Variants in SQLE observed in about 807,000 individuals in gnomAD.
The protein encoded by SQLE is squalene monooxygenase.
SQLE carries 29 observed loss-of-function variants against 60.7 expected under a neutral mutation model. That is an observed-to-expected ratio of 0.48 (90% CI 0.36 to 0.65). The LOEUF (loss-of-function observed/expected upper bound fraction) is 0.65. Among genes scored for constraint, SQLE ranks in the 30% least tolerant of loss-of-function variants. SQLE has a pLI of 0.00. For synonymous variants in SQLE, 237 were observed against 246.8 expected (o/e 0.96, Z 0.37); for missense variants, 605 against 684.1 (o/e 0.88, Z 1.29).
At chr8:125,014,442 TCTA>T (rs766701079) in intron 7 of SQLE, among the ~76,000 whole-genome samples, 14 of 152,326 alleles carry the variant, frequency 9.2e-5, no homozygotes, top group East Asian at 5.8e-4. Flanking sequence ...TTTATTATTT[TCTA>T]CTAATTTGGG....
rs77645689 is a variant in SQLE, at chr8:125,015,569, A to G, written c.1205-2490A>G. 4.0e-3 allele frequency among the ~76,000 whole-genome samples: 606 copies of G among 152,282 alleles called. 6 individuals are homozygous for G. Among genetic ancestry groups the G allele is most frequent in the African/African-American group, 0.014 (581 of 41,542 alleles). On this transcript the variant is annotated intron_variant, in intron 7 of 10. Transcript: ENST00000265896. ...TGTAGGCTTTTGATTTGAAATTACC[A>G]GGAAGCTTGCAGGTCATATCTTATA...
At chr8:125,014,566 A>G (rs542030779) in intron 7 of SQLE, among the ~76,000 whole-genome samples, 68 of 152,026 alleles carry the variant, frequency 4.5e-4, no homozygotes, top group African/African-American at 1.6e-3. Flanking sequence ...CCCTTTAAGT[A>G]TTGCTTTTGC....
chr8:125,000,087 G>T lies in SQLE; in HGVS notation c.291+393G>T, dbSNP rs1043451824. ...CGTGCTGCGGGTAAGTCCACTGCTTGTAAGAAGTGACAGCTGACTGGGGAA... is the reference window on the plus strand; with the variant it reads ...CGTGCTGCGGGTAAGTCCACTGCTTTTAAGAAGTGACAGCTGACTGGGGAA... On this transcript the variant is annotated intron_variant, in intron 1 of 10. Transcript: ENST00000265896. 9.7e-5 allele frequency: 45 copies of T among 462,020 alleles called. No individual in the cohort carries two copies. In the Admixed American group the frequency reaches 9.8e-4, roughly 10 times the overall value. 28.6% of individuals were successfully genotyped at this position (462,020 alleles called of 1,614,324 possible).
intron 6 of SQLE, among the ~76,000 whole-genome samples, chr8:125,009,652 G>A (rs974102733): frequency 6.6e-6 from 1 of 152,032 alleles, no homozygotes; most frequent in Non-Finnish European, 1.5e-5. Context: ...AAAATTAGCC[G>A]AGTGTGGTGG....
Position 124,999,256 on chromosome 8 carries a change from G to C in SQLE, c.-148G>C, listed in dbSNP as rs1814800374. The C allele has an allele frequency of 1.5e-6, 1 of 685,008 alleles. No homozygotes were observed. The highest frequency in any genetic ancestry group is 5.2e-5 in the South Asian group (1 of 19,050). 42.4% of individuals were successfully genotyped at this position (685,008 alleles called of 1,614,324 possible). A position where few individuals can be genotyped will look rare whatever the true frequency, so the allele number is the denominator to read the frequency against. ...TTATATGATTTTTAAAAACTGGTCT[G>C]ATCGGACTTCTCGTCCTGGGACACT... On this transcript the variant is annotated 5_prime_UTR_variant, in exon 1 of 11. Transcript: ENST00000265896.
chr8:125,005,832 A>G (rs952922125), intron 3 of SQLE, 127 bp downstream of exon 3: 3 of 634,156 alleles, frequency 4.7e-6, no homozygotes, highest in Non-Finnish European at 7.0e-6. Flanking sequence ...ATGTATATTA[A>G]AATAAACTGT....
intron 1 of SQLE, among the ~76,000 whole-genome samples, chr8:125,000,868 T>TG (rs1358097434): frequency 6.6e-6 from 1 of 152,200 alleles, no homozygotes; most frequent in Non-Finnish European, 1.5e-5. Context: ...AACGCCCACT[T>TG]GCTTTTTAAA....
At position 124,998,632 on chromosome 8, in the gene SQLE, C is replaced by T. The variant is rs761336761; in HGVS notation, c.-772C>T. The stretch of plus-strand genomic sequence containing the variant: ...TGAGGAAGCCGTCGGGAGCCGCCGC[C>T]GCCATCTGAGGGAGGTACCCTGGAA... On this transcript the variant is annotated 5_prime_UTR_variant, in exon 1 of 11. Transcript: ENST00000265896. 1.5e-6 allele frequency: 1 copy of T among 680,796 alleles called. No homozygotes were observed. The highest frequency in any genetic ancestry group is 1.5e-5 in the South Asian group (1 of 65,478). The allele number at this position is 680,796 out of a possible 1,614,324, so 42.2% of individuals were successfully genotyped here.
chr8:125,007,892 A>G (rs765834129), intron 4 of SQLE, among the ~76,000 whole-genome samples: 42 of 152,208 alleles, frequency 2.8e-4, no homozygotes, highest in Non-Finnish European at 5.4e-4. Context: ...CTATGCAAAA[A>G]ACATTTTAAA....
chr8:125,013,597 C>T (rs1173171721), intron 7 of SQLE, among the ~76,000 whole-genome samples: 2 of 152,162 alleles, frequency 1.3e-5, no homozygotes, highest in Admixed American at 6.5e-5. Context: ...AGGTGATCCA[C>T]CCACCTCAGC....
At chr8:125,014,323 T>C (rs1343640761) in intron 7 of SQLE, among the ~76,000 whole-genome samples, 1 of 152,320 alleles carries the variant, frequency 6.6e-6, no homozygotes, top group African/African-American at 2.4e-5. Flanking sequence ...TTTTCTTTCT[T>C]TTTTCTTAGT....
intron 9 of SQLE, 120 bp downstream of exon 9, chr8:125,018,847 A>G (rs1339415767): frequency 1.5e-6 from 1 of 680,638 alleles, no homozygotes; most frequent in Non-Finnish European, 2.4e-6. Context: ...GCTAACTCCC[A>G]AGTTGGTAGT....
In SQLE at chr8:125,002,836, T is replaced by G. The variant is rs80332829; in HGVS notation, c.292-340T>G. Reference sequence around the variant, plus strand: ...TAGTTATTAATGATACAGTTTGCCCTATAATAAGTCTTTGAAGCCCCTTAT... The same window carrying G: ...TAGTTATTAATGATACAGTTTGCCCGATAATAAGTCTTTGAAGCCCCTTAT... On this transcript the variant is annotated intron_variant, in intron 1 of 10. Coordinates refer to ENST00000265896, the MANE Select transcript of SQLE (RefSeq NM_003129.4). Among the ~76,000 whole-genome samples, 615 of 152,348 alleles carry G rather than the reference T, an allele frequency of 4.0e-3. 3 individuals are homozygous for G. Among genetic ancestry groups the G allele is most frequent in the African/African-American group, 0.014 (592 of 41,578 alleles).
chr8:125,003,158 C>A lies in SQLE; in HGVS notation c.292-18C>A. On this transcript the variant is annotated intron_variant, in intron 1 of 10. Coordinates refer to ENST00000265896, the MANE Select transcript of SQLE (RefSeq NM_003129.4). Reference sequence around the variant, plus strand: ...TAACAAATTTGGATACCTAGTTTACCTTTTTTTTTTTAAACAGCGCAGAAA... The same window carrying A: ...TAACAAATTTGGATACCTAGTTTACATTTTTTTTTTTAAACAGCGCAGAAA... 1 of 1,343,480 alleles carries A rather than the reference C, an allele frequency of 7.4e-7. No homozygotes were observed. The highest frequency in any genetic ancestry group is 1.3e-5 in the South Asian group (1 of 74,250). The allele number at this position is 1,343,480 out of a possible 1,614,324, so 83.2% of individuals were successfully genotyped here.
chr8:124,999,726 T>C (rs1814811373), intron 1 of SQLE, 32 bp downstream of exon 1: 4 of 1,539,694 alleles, frequency 2.6e-6, no homozygotes, highest in African/African-American at 2.8e-5. Flanking sequence ...CAGATGAATG[T>C]CTTATTTAGG....
At chr8:125,003,836 G>A (rs1193369211) in intron 2 of SQLE, among the ~76,000 whole-genome samples, 1 of 126,332 alleles carries the variant, frequency 7.9e-6, no homozygotes, top group Non-Finnish European at 1.6e-5. Context: ...TTAAGCACTG[G>A]CTATTCATTT....
chr8:125,005,413 C>T, intron 2 of SQLE, 112 bp from the exon 3 acceptor site: 1 of 957,660 alleles, frequency 1.0e-6, no homozygotes, highest in Non-Finnish European at 1.5e-6. Context: ...GTTCAGTTCT[C>T]CAGATTTGAA....
In SQLE at chr8:125,011,500, A is replaced by G. The variant is rs745825671; in HGVS notation, c.1109-37A>G. 16 of 1,497,226 alleles carry G rather than the reference A, an allele frequency of 1.1e-5. No individual in the cohort carries two copies. The South Asian group carries it at 1.8e-4, about 17-fold the overall frequency. The allele number at this position is 1,497,226 out of a possible 1,614,324, so 92.7% of individuals were successfully genotyped here. ...TGTGATACTTTGAAATTGAAGTGTT[A>G]TGACCCATTTCTTTGGGTTGGTGGG... On this transcript the variant is annotated intron_variant, in intron 6 of 10. Coordinates refer to ENST00000265896, the MANE Select transcript of SQLE (RefSeq NM_003129.4).
At chr8:125,002,171 G>A (rs578140908) in intron 1 of SQLE, among the ~76,000 whole-genome samples, 1 of 152,280 alleles carries the variant, frequency 6.6e-6, no homozygotes, top group African/African-American at 2.4e-5. Flanking sequence ...AATTAAATAT[G>A]TGCTTATATG....
Sources: allele counts gnomAD v4.1 joint callset (sites outside exome capture counted in the v4.1 genomes callset), GRCh38; gene constraint gnomAD v4.1.1; transcripts MANE v1.5; gene names NCBI Gene and HGNC (gene_info 2026-07-23, HGNC 2026-07-21).